Variants in PAPPA2 observed in about 807,000 individuals in gnomAD.
PAPPA2 encodes pappalysin 2, also known as pappalysin-2.
In PAPPA2, 86 loss-of-function variants were observed where a neutral mutation model predicts 176.4. The ratio of observed to expected loss-of-function variants is 0.49; its 90% CI spans 0.41 to 0.58. The LOEUF is 0.58. PAPPA2 is among the 20% of genes least tolerant of loss of function. The pLI is 0.00. For synonymous variants in PAPPA2, 809 were observed against 852.2 expected (o/e 0.95, Z 0.88); for missense variants, 2,073 against 2,256.9 (o/e 0.92, Z 1.65).
intron 4 of PAPPA2, among the ~76,000 whole-genome samples, chr1:176,679,328 G>A (rs544968081): frequency 6.6e-5 from 10 of 151,996 alleles, no homozygotes; most frequent in South Asian, 2.1e-4. Context: ...GACTAAACCC[G>A]TCTCCTAAGA....
chr1:176,641,386 C>A (rs991490998), intron 3 of PAPPA2, among the ~76,000 whole-genome samples: 4 of 151,498 alleles, frequency 2.6e-5, no homozygotes, highest in African/African-American at 9.7e-5. Flanking sequence ...AGGAAGGGAT[C>A]CAGTTTCAGC....
intron 17 of PAPPA2, among the ~76,000 whole-genome samples, chr1:176,777,509 A>G (rs1002420771): frequency 1.3e-5 from 2 of 152,166 alleles, no homozygotes; most frequent in African/African-American, 4.8e-5. Context: ...AAACTTCTAA[A>G]GAAGGTAATG....
At chr1:176,713,228 T>G (rs535007467) in intron 12 of PAPPA2, among the ~76,000 whole-genome samples, 19 of 152,082 alleles carry the variant, frequency 1.2e-4, no homozygotes, top group African/African-American at 4.1e-4. Context: ...CCATCATAGC[T>G]TACTATAGCC....
Position 176,557,054 on chromosome 1 carries a change from A to G in PAPPA2, c.732A>G (p.Gly244=). ...CGGAGGAAAGCAACCAAAATGGTGG[A>G]GAGGGCTCCTACCGAGAAGCAGAGA... ...SPPEESNQNG[G]EGSYREAETF... Residue 244 remains glycine (G), a synonymous_variant, in exon 2 of 23, where the codon GGA becomes GGG. Coordinates refer to ENST00000367662, the MANE Select transcript of PAPPA2 (RefSeq NM_020318.3). 1 of 1,614,078 alleles carries G rather than the reference A, an allele frequency of 6.2e-7. No homozygotes were observed. The highest frequency in any genetic ancestry group is 8.5e-7 in the Non-Finnish European group (1 of 1,179,994).
chr1:176,475,596 A>G (rs1285783269), intron 1 of PAPPA2, among the ~76,000 whole-genome samples: 17 of 152,230 alleles, frequency 1.1e-4, no homozygotes, highest in Admixed American at 1.1e-3. Flanking sequence ...GGAACTGGAA[A>G]AAAAATGCCA....
At chr1:176,680,412 C>T (rs933804233) in intron 4 of PAPPA2, among the ~76,000 whole-genome samples, 4 of 132,342 alleles carry the variant, frequency 3.0e-5, no homozygotes, top group African/African-American at 9.9e-5. Flanking sequence ...TAGTTGGTTA[C>T]CTATTTCTCA....
At chr1:176,468,707 A>G (rs1380028419) in intron 1 of PAPPA2, among the ~76,000 whole-genome samples, 1 of 152,158 alleles carries the variant, frequency 6.6e-6, no homozygotes, top group African/African-American at 2.4e-5. Context: ...CATTGGTCAC[A>G]GGGGTTGACT....
In PAPPA2 at chr1:176,594,398, G is replaced by GATGCC. The variant is rs567431152; in HGVS notation, c.920-126_920-125insATGCC. ...CAGGCATCTCAGGTGAGAAATCTGT[G>GATGCC]TCGCTTACTTTATTCCCCATTAAAA... On this transcript the variant is annotated intron_variant, in intron 2 of 22. Coordinates refer to ENST00000367662, the MANE Select transcript of PAPPA2 (RefSeq NM_020318.3). 7.5e-3 allele frequency: 5,815 copies of GATGCC among 779,620 alleles called. 38 individuals carry two copies. The highest frequency in any genetic ancestry group is 0.015 in the Middle Eastern group (42 of 2,810). The allele number at this position is 779,620 out of a possible 1,614,324, so 48.3% of individuals were successfully genotyped here.
chr1:176,576,825 C>G (rs1221524081), intron 2 of PAPPA2, among the ~76,000 whole-genome samples: 1 of 152,220 alleles, frequency 6.6e-6, no homozygotes, highest in East Asian at 1.9e-4. Flanking sequence ...CCAGACTCGT[C>G]TTTCCGGAGG....
intron 3 of PAPPA2, among the ~76,000 whole-genome samples, chr1:176,627,413 T>C (rs1656093320): frequency 6.6e-6 from 1 of 152,172 alleles, no homozygotes; most frequent in African/African-American, 2.4e-5. Flanking sequence ...TCTAATCCCC[T>C]TAGCTCGAGA....
chr1:176,556,676 G>A lies in PAPPA2; in HGVS notation c.354G>A (p.Leu118=), dbSNP rs1473163651. ...PPDLTENPAG[L]RGAVEEPAAP... ...ACCTGACTGAAAATCCAGCAGGACT[G>A]AGGGGTGCAGTTGAAGAGCCGGCTG... The change falls in exon 2 of 23, where the codon CTG becomes CTA. Residue 118 remains leucine, a synonymous_variant. Coordinates refer to ENST00000367662, the MANE Select transcript of PAPPA2 (RefSeq NM_020318.3). 1 of 1,614,186 alleles carries A rather than the reference G, an allele frequency of 6.2e-7. No homozygotes were observed. The highest frequency in any genetic ancestry group is 8.5e-7 in the Non-Finnish European group (1 of 1,180,004).
chr1:176,672,413 T>C (rs1384792771), intron 4 of PAPPA2, among the ~76,000 whole-genome samples: 5 of 152,046 alleles, frequency 3.3e-5, no homozygotes, highest in Non-Finnish European at 7.4e-5. Flanking sequence ...AGGAATAAAT[T>C]AAAGAAATAG....
Position 176,594,543 on chromosome 1 carries a change from CCA to C in PAPPA2, c.943_944del (p.Thr315CysfsTer3). Reference sequence around the variant, plus strand: ...TCCCAGGTGTGTTTGATAACTGCTCCCACACTGTCAGTGACAAAGGCTGGGCC... The same window carrying C: ...TCCCAGGTGTGTTTGATAACTGCTCCCACTGTCAGTGACAAAGGCTGGGCC... ...IIAGVFDNCS[H>X]TVSDKGWALG... On this transcript the variant is annotated frameshift_variant, in exon 3 of 23. Transcript: ENST00000367662. LOFTEE classifies it high-confidence loss of function. 3 of 1,613,916 alleles carry C rather than the reference CCA, an allele frequency of 1.9e-6. No individual in the cohort carries two copies. Among genetic ancestry groups the C allele is most frequent in the Non-Finnish European group, 2.5e-6 (3 of 1,179,924 alleles).
intron 3 of PAPPA2, 133 bp from the exon 4 acceptor site, chr1:176,670,837 G>A (rs1658951796): frequency 4.8e-6 from 5 of 1,051,160 alleles, no homozygotes; most frequent in Non-Finnish European, 5.6e-6. Context: ...ATGACAGGCT[G>A]GTCTCTGCCC....
chr1:176,774,328 A>G (rs539890718), intron 17 of PAPPA2, among the ~76,000 whole-genome samples: 3 of 152,176 alleles, frequency 2.0e-5, no homozygotes, highest in Non-Finnish European at 2.9e-5. Context: ...CATAAGGCCC[A>G]TAAGACCAAC....
intron 3 of PAPPA2, among the ~76,000 whole-genome samples, chr1:176,600,467 G>A (rs1189252180): frequency 6.6e-6 from 1 of 151,752 alleles, no homozygotes; most frequent in Non-Finnish European, 1.5e-5. Context: ...ACGAGGTCAG[G>A]AGATCGAGAC....
rs191697861 is a variant in PAPPA2 at position 176,681,009 on chromosome 1, G to C, written c.2138-9128G>C. ...AATGTAGGAAAAGGAAAAGCAAATG[G>C]GGAGCCAGTTTGTTTTTGGATATGT... On this transcript the variant is annotated intron_variant, in intron 4 of 22. Coordinates refer to ENST00000367662, the MANE Select transcript of PAPPA2 (RefSeq NM_020318.3). Among the ~76,000 whole-genome samples, 271 of 152,086 alleles carry C rather than the reference G, an allele frequency of 1.8e-3. 3 individuals are homozygous for C. The highest frequency in any genetic ancestry group is 3.5e-3 in the Non-Finnish European group (236 of 67,984).
At chr1:176,588,345 G>T (rs1327210931) in intron 2 of PAPPA2, among the ~76,000 whole-genome samples, 1 of 152,194 alleles carries the variant, frequency 6.6e-6, no homozygotes, top group Non-Finnish European at 1.5e-5. Context: ...GTAAAATCAT[G>T]TCATCTGCAA....
intron 12 of PAPPA2, among the ~76,000 whole-genome samples, chr1:176,736,926 A>T (rs1011362404): frequency 2.0e-5 from 3 of 152,038 alleles, no homozygotes; most frequent in African/African-American, 7.2e-5. Context: ...TTCTACAAGT[A>T]TCAACTGAAA....
Sources: allele counts gnomAD v4.1 joint callset (sites outside exome capture counted in the v4.1 genomes callset), GRCh38; gene constraint gnomAD v4.1.1; transcripts MANE v1.5; gene names NCBI Gene and HGNC (gene_info 2026-07-23, HGNC 2026-07-21).